PAGE2: variants seen among roughly 807,000 people sequenced by gnomAD.
The protein encoded by PAGE2 is PAGE family member 2.
PAGE2 carries 6 observed loss-of-function variants against 7.5 expected under a neutral mutation model. That is an observed-to-expected ratio of 0.80 (90% CI 0.44 to 1.57). The LOEUF (loss-of-function observed/expected upper bound fraction) is 1.57. PAGE2 is among the 40% of genes most tolerant of loss of function. The pLI is 0.01. For synonymous variants in PAGE2, 22 were observed against 25.4 expected (o/e 0.87, Z 0.41); for missense variants, 72 against 76.4 (o/e 0.94, Z 0.21).
In PAGE2 at chrX:55,090,575, G is replaced by A. The variant is rs1215564462; in HGVS notation, c.158G>A (p.Gly53Glu). Residue 53 changes from glycine to glutamate, a missense_variant, in exon 3 of 5, where the codon GGG becomes GAG. By Grantham distance (98) the Gly-to-Glu change is moderately conservative (BLOSUM62 -2). Transcript: ENST00000374968. ...PTDNQGIAPS[G>E]EIENQAVPAF... ...GATAATCAGGGTATTGCACCTAGTGGGGAGATTGAAAATCAAGCAGTGCCT... is the reference window on the plus strand; with the variant it reads ...GATAATCAGGGTATTGCACCTAGTGAGGAGATTGAAAATCAAGCAGTGCCT... The A allele has an allele frequency of 4.2e-6, 5 of 1,204,652 alleles. No individual in the cohort carries two copies. Among genetic ancestry groups the A allele is most frequent in the Admixed American group, 2.2e-5 (1 of 45,474 alleles).
At chrX:55,090,126 G>A in intron 2 of PAGE2, 22 bp downstream of exon 2, 1 of 1,163,709 alleles carries the variant, frequency 8.6e-7, no homozygotes, top group Admixed American at 2.2e-5. Context: ...AACATTTGAT[G>A]TTTTCTATTA....
intron 3 of PAGE2, 94 bp from the exon 4 acceptor site, chrX:55,091,238 T>A: frequency 8.6e-7 from 1 of 1,158,207 alleles, no homozygotes; most frequent in Non-Finnish European, 1.2e-6. Flanking sequence ...CCTACCGGTT[T>A]TTATTTCATA....
At chrX:55,089,334 G>A (rs1161084835) in intron 1 of PAGE2, 1 of 111,159 alleles carries the variant, frequency 9.0e-6, no homozygotes, top group African/African-American at 3.4e-5. Context: ...CTGAAGATGG[G>A]GCAAGTGCTG....
At chrX:55,089,968 TAAG>T (rs1206907806) in intron 1 of PAGE2, 42 bp from the exon 2 acceptor site, 1 of 1,002,216 alleles carries the variant, frequency 1.0e-6, no homozygotes, top group Non-Finnish European at 1.4e-6. Context: ...TATATATAAC[TAAG>T]TTCTTACACA....
At chrX:55,091,290 C>G in intron 3 of PAGE2, 42 bp from the exon 4 acceptor site, 1 of 1,203,246 alleles carries the variant, frequency 8.3e-7, no homozygotes, top group Non-Finnish European at 1.1e-6. Context: ...GTTCATAGTT[C>G]ATGTTTTAAT....
intron 2 of PAGE2, 99 bp downstream of exon 2, chrX:55,090,203 TA>T: frequency 2.3e-6 from 2 of 884,673 alleles, no homozygotes; most frequent in Non-Finnish European, 3.1e-6. Flanking sequence ...TCCATGCTGA[TA>T]AAAAATGATG....
intron 1 of PAGE2, among the ~76,000 whole-genome samples, chrX:55,089,552 C>A (rs1411004248): frequency 1.0e-4 from 11 of 109,661 alleles, no homozygotes; most frequent in African/African-American, 3.7e-4. Context: ...GCATAACGTT[C>A]ACTCTGTTTC....
At position 55,091,324 on chromosome X, in the gene PAGE2, C is replaced by A; in HGVS notation, c.194-8C>A. The A allele has an allele frequency of 8.3e-7, 1 of 1,204,658 alleles. No homozygotes were observed. The highest frequency in any genetic ancestry group is 3.0e-5 in the East Asian group (1 of 33,715). ...ATTTGTAAATTGATGACCTTTTTATCTTTTAAGGGCCTGACATGGAAGCTT... is the reference window on the plus strand; with the variant it reads ...ATTTGTAAATTGATGACCTTTTTATATTTTAAGGGCCTGACATGGAAGCTT... On this transcript the variant is annotated splice_region_variant and splice_polypyrimidine_tract_variant and intron_variant, in intron 3 of 4. Transcript: ENST00000374968.
Position 55,090,029 on chromosome X carries a change from G to A in PAGE2, c.9G>A (p.Glu3=), listed in dbSNP as rs1936639545. The A allele has an allele frequency of 8.4e-7, 1 of 1,191,437 alleles. No homozygotes were observed. Among genetic ancestry groups the A allele is most frequent in the Non-Finnish European group, 1.1e-6 (1 of 879,419 alleles). MS[E]LLRARSQSSE... ...TGTTTGCAGTGGGAAATATGAGTGA[G>A]CTTCTAAGAGCAAGATCCCAATCCT... The change falls in exon 2 of 5, where the codon GAG becomes GAA. Residue 3 remains glutamate, a synonymous_variant. Coordinates refer to ENST00000374968, the MANE Select transcript of PAGE2 (RefSeq NM_207339.4).
At chrX:55,089,321 T>C (rs1411052230) in intron 1 of PAGE2, 1 of 111,005 alleles carries the variant, frequency 9.0e-6, no homozygotes, top group Non-Finnish European at 1.9e-5. Flanking sequence ...GGGGAGGGAT[T>C]GCCTGAAGAT....
chrX:55,091,268 T>C, intron 3 of PAGE2, 64 bp from the exon 4 acceptor site: 1 of 1,193,766 alleles, frequency 8.4e-7, no homozygotes, highest in Non-Finnish European at 1.1e-6. Flanking sequence ...GAATAAATAC[T>C]ATCATTTCCT....
In PAGE2 at chrX:55,090,005, G is replaced by A. The variant is rs1432787999; in HGVS notation, c.-8-8G>A. The A allele has an allele frequency of 6.1e-6, 7 of 1,147,764 alleles. No homozygotes were observed. Among genetic ancestry groups the A allele is most frequent in the Non-Finnish European group, 8.3e-6 (7 of 841,369 alleles). The allele number at this position is 1,147,764 out of a possible 1,213,427, so 94.6% of individuals were successfully genotyped here. The stretch of plus-strand genomic sequence containing the variant: ...CACTTTTTCCAAATAACAATATTCT[G>A]TTTGCAGTGGGAAATATGAGTGAGC... On this transcript the variant is annotated splice_region_variant and splice_polypyrimidine_tract_variant and intron_variant, in intron 1 of 4. Transcript: ENST00000374968.
At position 55,091,327 on chromosome X, in the gene PAGE2, T is replaced by C. The variant is rs766146462; in HGVS notation, c.194-5T>C. The C allele has an allele frequency of 1.6e-5, 19 of 1,204,038 alleles. No individual in the cohort carries two copies. The South Asian group carries it at 2.2e-4, about 14-fold the overall frequency. ...TGTAAATTGATGACCTTTTTATCTT[T>C]TAAGGGCCTGACATGGAAGCTTTTC... On this transcript the variant is annotated splice_region_variant and splice_polypyrimidine_tract_variant and intron_variant, in intron 3 of 4. Transcript: ENST00000374968.
chrX:55,090,115 T>TAA lies in PAGE2; in HGVS notation c.84+12_84+13dup. 1 of 1,182,695 alleles carries TAA rather than the reference T, an allele frequency of 8.5e-7. No homozygotes were observed. Among genetic ancestry groups the TAA allele is most frequent in the Non-Finnish European group, 1.1e-6 (1 of 872,379 alleles). On this transcript the variant is annotated intron_variant, in intron 2 of 4. Transcript: ENST00000374968. Reference sequence around the variant, plus strand: ...GTTGGATCTGTGATTGTGAGTCTTTTAACATTTGATGTTTTCTATTAACAC... The same window carrying TAA: ...GTTGGATCTGTGATTGTGAGTCTTTTAAAACATTTGATGTTTTCTATTAACAC...
chrX:55,090,643 T>C, intron 3 of PAGE2, 33 bp downstream of exon 3: 1 of 1,108,036 alleles, frequency 9.0e-7, no homozygotes, highest in South Asian at 1.9e-5. Flanking sequence ...TGCTTATGGG[T>C]GGTGGAGGTC....
chrX:55,090,179 A>G, intron 2 of PAGE2, 75 bp downstream of exon 2: 2 of 985,803 alleles, frequency 2.0e-6, no homozygotes, highest in Non-Finnish European at 2.8e-6. Context: ...GTATACATAC[A>G]CTGATACAGG....
intron 3 of PAGE2, among the ~76,000 whole-genome samples, 155 bp from the exon 4 acceptor site, chrX:55,091,177 G>C (rs1215278671): frequency 9.0e-6 from 1 of 111,644 alleles, no homozygotes; most frequent in Non-Finnish European, 1.9e-5. Flanking sequence ...GGCAATGTTC[G>C]AATATCTCTG....
At chrX:55,090,885 T>G (rs1215480832) in intron 3 of PAGE2, among the ~76,000 whole-genome samples, 1 of 109,044 alleles carries the variant, frequency 9.2e-6, no homozygotes, top group Non-Finnish European at 1.9e-5. Context: ...CATTTTCTGT[T>G]TTTTGTTGCT....
chrX:55,089,421 T>C (rs1350398740), intron 1 of PAGE2, among the ~76,000 whole-genome samples: 1 of 109,775 alleles, frequency 9.1e-6, no homozygotes, highest in East Asian at 2.9e-4. Flanking sequence ...AACTCCTCAG[T>C]AGGGACGCGG....
Sources: allele counts gnomAD v4.1 joint callset (sites outside exome capture counted in the v4.1 genomes callset), GRCh38; gene constraint gnomAD v4.1.1; transcripts MANE v1.5; gene names NCBI Gene and HGNC (gene_info 2026-07-23, HGNC 2026-07-21).